GRIK2: variants seen among roughly 807,000 people sequenced by gnomAD.
GRIK2 encodes the protein glutamate receptor ionotropic, kainate 2.
In GRIK2, 32 loss-of-function variants were observed where a neutral mutation model predicts 100.3. That is an observed-to-expected ratio of 0.32 (90% CI 0.24 to 0.43). The LOEUF (loss-of-function observed/expected upper bound fraction) is 0.43. Ranked by LOEUF, GRIK2 falls within the 20% of genes least tolerant of loss-of-function variation. The pLI, the probability that GRIK2 is intolerant of heterozygous loss-of-function variation, is 1.00. For missense variants in GRIK2, 843 were observed against 1,114.9 expected, an observed-to-expected ratio of 0.76 and a Z score of 3.47; for synonymous variants, 417 against 389.4, an observed-to-expected ratio of 1.07 and a Z score of -0.83.
chr6:101,771,133 T>A (rs1423270407), intron 7 of GRIK2, among the ~76,000 whole-genome samples: 5 of 152,144 alleles, frequency 3.3e-5, no homozygotes, highest in Non-Finnish European at 7.4e-5. Context: ...GAAACTAAAC[T>A]CTAAGACTGT....
chr6:101,859,612 C>T, intron 11 of GRIK2, 119 bp downstream of exon 11: 1 of 643,176 alleles, frequency 1.6e-6, no homozygotes. Context: ...GTATTTCCTT[C>T]AATAATTTTA....
chr6:101,686,873 A>G (rs887277766), intron 7 of GRIK2, among the ~76,000 whole-genome samples: 6 of 152,096 alleles, frequency 3.9e-5, no homozygotes, highest in African/African-American at 1.2e-4. Context: ...AAGCGGCACT[A>G]TTGCATAAAC....
At chr6:101,586,553 AC>A (rs1363799234) in intron 2 of GRIK2, among the ~76,000 whole-genome samples, 6 of 151,994 alleles carry the variant, frequency 3.9e-5, no homozygotes, top group Non-Finnish European at 8.8e-5. Context: ...CTCCCTCTCC[AC>A]CCTGCACCAT....
At chr6:102,037,243 G>C (rs1321056966) in intron 15 of GRIK2, among the ~76,000 whole-genome samples, 1 of 151,108 alleles carries the variant, frequency 6.6e-6, no homozygotes, top group African/African-American at 2.4e-5. Context: ...TCCCAAAATA[G>C]GCAAGTGTAG....
chr6:101,833,405 T>C (rs989721979), intron 10 of GRIK2, among the ~76,000 whole-genome samples: 1 of 152,042 alleles, frequency 6.6e-6, no homozygotes, highest in African/African-American at 2.4e-5. Flanking sequence ...TAATTTTTTT[T>C]TGTATTTGTA....
At chr6:102,056,604 T>C (rs1399544458) in intron 16 of GRIK2, among the ~76,000 whole-genome samples, 1 of 151,914 alleles carries the variant, frequency 6.6e-6, no homozygotes, top group African/African-American at 2.4e-5. Context: ...AGTTGGTAAA[T>C]ACAAAGAGCG....
intron 7 of GRIK2, among the ~76,000 whole-genome samples, chr6:101,726,251 C>T (rs2128368264): frequency 6.6e-6 from 1 of 152,076 alleles, no homozygotes; most frequent in East Asian, 1.9e-4. Context: ...CTTGCTTAGC[C>T]TCTATGTTTA....
chr6:101,880,687 A>G (rs1786185105), intron 11 of GRIK2, among the ~76,000 whole-genome samples: 1 of 152,006 alleles, frequency 6.6e-6, no homozygotes, highest in Non-Finnish European at 1.5e-5. Flanking sequence ...TCTTAGTTCC[A>G]AGTCTTATTT....
intron 2 of GRIK2, among the ~76,000 whole-genome samples, chr6:101,424,919 G>A (rs1386148268): frequency 6.6e-6 from 1 of 152,174 alleles, no homozygotes; most frequent in Non-Finnish European, 1.5e-5. Context: ...TGGCTGCATA[G>A]TATTCCATGG....
chr6:102,044,841 T>C (rs1770796714), intron 15 of GRIK2, among the ~76,000 whole-genome samples: 1 of 151,994 alleles, frequency 6.6e-6, no homozygotes, highest in Non-Finnish European at 1.5e-5. Flanking sequence ...TTGAATTCTC[T>C]CATCCAAATA....
rs536748800 is a variant in GRIK2 at position 101,648,555 on chromosome 6, G to GT, written c.541+21926dup. Among the ~76,000 whole-genome samples the GT allele has an allele frequency of 3.8e-3, 571 of 151,696 alleles. 4 individuals are homozygous for GT. The highest frequency in any genetic ancestry group is 0.013 in the African/African-American group (539 of 41,418). On this transcript the variant is annotated intron_variant, in intron 4 of 16. Transcript: ENST00000369134. ...AAAATTTCCTTTGAAATATTTTTTA[G>GT]TTTTTTTTAAAGTGATGAGCCAACA...
intron 2 of GRIK2, among the ~76,000 whole-genome samples, chr6:101,549,964 C>G (rs1263233861): frequency 6.6e-6 from 1 of 152,182 alleles, no homozygotes; most frequent in African/African-American, 2.4e-5. Context: ...CCTCTGTCTC[C>G]AGGACCCATG....
At chr6:101,964,796 G>A (rs1378739133) in intron 14 of GRIK2, among the ~76,000 whole-genome samples, 1 of 152,124 alleles carries the variant, frequency 6.6e-6, no homozygotes, top group Non-Finnish European at 1.5e-5. Context: ...TTTACTTATG[G>A]ATCCTAGGCA....
chr6:101,942,906 C>A (rs1202811750), intron 14 of GRIK2, among the ~76,000 whole-genome samples: 1 of 152,108 alleles, frequency 6.6e-6, no homozygotes, highest in Non-Finnish European at 1.5e-5. Flanking sequence ...CAGAAATTTG[C>A]ATAAATGAAG....
At chr6:101,639,926 T>C (rs188351283) in intron 4 of GRIK2, among the ~76,000 whole-genome samples, 93 of 152,260 alleles carry the variant, frequency 6.1e-4, no homozygotes, top group African/African-American at 2.2e-3. Context: ...ACTAATAATA[T>C]CTTGTTACAA....
intron 12 of GRIK2, among the ~76,000 whole-genome samples, chr6:101,894,117 A>G (rs1038822234): frequency 1.3e-5 from 2 of 151,496 alleles, no homozygotes; most frequent in African/African-American, 4.8e-5. Flanking sequence ...TTTTATTACA[A>G]ATTAAGATCT....
chr6:101,687,775 T>A (rs1452651514), intron 7 of GRIK2, among the ~76,000 whole-genome samples: 1 of 151,816 alleles, frequency 6.6e-6, no homozygotes, highest in Non-Finnish European at 1.5e-5. Context: ...CTTCGTTGCA[T>A]AAAGAGATAG....
intron 2 of GRIK2, among the ~76,000 whole-genome samples, chr6:101,478,506 G>GTTTTTT (rs5878666): frequency 5.0e-5 from 6 of 119,576 alleles, no homozygotes; most frequent in East Asian, 2.4e-4. Flanking sequence ...TTCTGTTTTG[G>GTTTTTT]TTTTTTTTTT....
chr6:102,055,565 C>T lies in GRIK2; in HGVS notation c.2547C>T (p.Asn849=), dbSNP rs770889344. The T allele has an allele frequency of 1.5e-5, 24 of 1,603,370 alleles. No individual in the cohort carries two copies. In the East Asian group the frequency reaches 2.0e-4, roughly 13 times the overall value. Residue 849 remains asparagine (N), a synonymous_variant, in exon 16 of 17, where the codon AAC becomes AAT. Coordinates refer to ENST00000369134, the MANE Select transcript of GRIK2 (RefSeq NM_021956.5). ...VGEFLYKSKK[N]AQLEKRSFCS... ...AATTTTTATACAAATCCAAAAAAAA[C>T]GCTCAATTGGAAAAGGTAAATGTTA...
Sources: gnomAD v4.1 joint callset for allele counts (sites outside exome capture counted in the v4.1 genomes callset) on GRCh38, gnomAD v4.1.1 for gene constraint, MANE v1.5 for transcripts, NCBI Gene and HGNC (gene_info 2026-07-23, HGNC 2026-07-21) for gene names.